The following TMEM132C variants were observed in gnomAD, a reference collection of about 807,000 sequenced individuals.
TMEM132C encodes the protein transmembrane protein 132C.
A neutral mutation model predicts 61.4 loss-of-function variants in TMEM132C; 29 were observed. The observed-to-expected ratio is 0.47, with a 90% CI of 0.35 to 0.64. The LOEUF (loss-of-function observed/expected upper bound fraction) is 0.64, where lower values mean the gene tolerates loss of function less well. Ranked by LOEUF, TMEM132C falls within the 30% of genes least tolerant of loss-of-function variation. The probability of loss-of-function intolerance (pLI) is 0.00; values close to 1 mark genes in which losing one functional copy is unlikely to be tolerated. For synonymous variants in TMEM132C, 656 were observed against 633.1 expected (o/e 1.04, Z -0.54); for missense variants, 1,408 against 1,476.9 (o/e 0.95, Z 0.76).
At position 128,693,818 on chromosome 12, in the gene TMEM132C, T is replaced by C; in HGVS notation, c.1450-11T>C. 3.2e-6 allele frequency: 5 copies of C among 1,551,736 alleles called. No individual in the cohort carries two copies. In the South Asian group the frequency reaches 4.8e-5, roughly 15 times the overall value. ...ACTTCTCCTCCATCCTTTCTCCCTC[T>C]GTCTTTGCAGGTGTCTGAGCGCTGT... On this transcript the variant is annotated splice_polypyrimidine_tract_variant and intron_variant, in intron 5 of 8. Transcript: ENST00000435159.
chr12:128,344,925 C>CT (rs1405355819), intron 1 of TMEM132C, among the ~76,000 whole-genome samples: 17,232 of 135,016 alleles, frequency 0.13, 2,092 homozygotes, highest in African/African-American at 0.32. Flanking sequence ...AGATGAGTTT[C>CT]TTTTTTTTTT....
rs1360773154 is a variant in TMEM132C at position 128,326,363 on chromosome 12, C to T, written c.85+58876C>T. ...CCAAGTGTAGCAGGGTTTCACTTTT[C>T]GAGCTGCCAGATCTGCTGGAGAAAA... On this transcript the variant is annotated intron_variant, in intron 1 of 8. Coordinates refer to ENST00000435159, the MANE Select transcript of TMEM132C (RefSeq NM_001136103.3). The surrounding 1 kb of genome is among the most constrained non-coding windows in gnomAD (Gnocchi z 5.6). Among the ~76,000 whole-genome samples, 1 of 152,174 alleles carries T rather than the reference C, an allele frequency of 6.6e-6. No homozygotes were observed. The highest frequency in any genetic ancestry group is 1.5e-5 in the Non-Finnish European group (1 of 68,032).
intron 3 of TMEM132C, among the ~76,000 whole-genome samples, chr12:128,562,173 G>C (rs1449042098): frequency 1.3e-5 from 2 of 152,206 alleles, no homozygotes; most frequent in Admixed American, 6.5e-5. Context: ...TTGGCGCCAA[G>C]CATTCTGAAA....
chr12:128,342,444 G>T (rs546603850), intron 1 of TMEM132C, among the ~76,000 whole-genome samples: 1 of 152,316 alleles, frequency 6.6e-6, no homozygotes, highest in South Asian at 2.1e-4. Flanking sequence ...CAGTTATCTT[G>T]ATTACATAAG....
At chr12:128,307,515 T>G (rs1729063931) in intron 1 of TMEM132C, among the ~76,000 whole-genome samples, 1 of 152,304 alleles carries the variant, frequency 6.6e-6, no homozygotes. Flanking sequence ...TTTTGCAGGA[T>G]AAATTTCTAT....
At chr12:128,456,273 G>A (rs545137960) in intron 2 of TMEM132C, among the ~76,000 whole-genome samples, 2 of 151,062 alleles carry the variant, frequency 1.3e-5, no homozygotes, top group South Asian at 2.1e-4. Context: ...CGTGATTTGC[G>A]TGGACTTTTC....
chr12:128,301,979 T>C (rs1593003307), intron 1 of TMEM132C, among the ~76,000 whole-genome samples: 1 of 152,178 alleles, frequency 6.6e-6, no homozygotes, highest in East Asian at 1.9e-4. Context: ...GAGACTTACT[T>C]ACTACCACGA....
chr12:128,515,892 T>A (rs1242577450), intron 2 of TMEM132C, among the ~76,000 whole-genome samples: 2 of 151,648 alleles, frequency 1.3e-5, no homozygotes, highest in Non-Finnish European at 2.9e-5. Context: ...GCCCAACGTG[T>A]GTGTTATTAG....
chr12:128,615,855 T>C (rs1018274088), intron 3 of TMEM132C, among the ~76,000 whole-genome samples: 5 of 152,164 alleles, frequency 3.3e-5, no homozygotes, highest in African/African-American at 1.2e-4. Context: ...GATAAACTAG[T>C]TTAGCTCATC....
At chr12:128,663,754 C>T (rs567006051) in intron 4 of TMEM132C, among the ~76,000 whole-genome samples, 1 of 152,176 alleles carries the variant, frequency 6.6e-6, no homozygotes, top group South Asian at 2.1e-4. Flanking sequence ...CGAGTGCCTA[C>T]TCTGTAGGCC....
intron 1 of TMEM132C, among the ~76,000 whole-genome samples, chr12:128,402,218 G>A (rs1165306323): frequency 6.6e-6 from 1 of 152,140 alleles, no homozygotes; most frequent in South Asian, 2.1e-4. Flanking sequence ...GACACTTCAG[G>A]GTTTTTTTGT....
At chr12:128,327,958 A>G (rs1182740732) in intron 1 of TMEM132C, among the ~76,000 whole-genome samples, 1 of 152,104 alleles carries the variant, frequency 6.6e-6, no homozygotes, top group Admixed American at 6.5e-5. Flanking sequence ...GTTTCTTATT[A>G]GACTTAAAGT....
At chr12:128,616,083 A>G in intron 3 of TMEM132C, 69 bp from the exon 4 acceptor site, 2 of 1,482,444 alleles carry the variant, frequency 1.3e-6, no homozygotes, top group Non-Finnish European at 1.8e-6. Context: ...TCTTCTGCGT[A>G]CTATTATGAG....
At chr12:128,538,865 G>T (rs11837663) in intron 2 of TMEM132C, among the ~76,000 whole-genome samples, 11,136 of 152,136 alleles carry the variant, frequency 0.073, 1,351 homozygotes, top group African/African-American at 0.25. Context: ...TTAATATTCA[G>T]TGTTTAAAAT....
chr12:128,469,630 G>GTA (rs1453535463), intron 2 of TMEM132C, among the ~76,000 whole-genome samples: 3 of 147,014 alleles, frequency 2.0e-5, no homozygotes, highest in African/African-American at 8.1e-5. Flanking sequence ...TATGCTTTGT[G>GTA]TGTGTGTGTT....
In TMEM132C at chr12:128,396,592, G is replaced by A. The variant is rs564961780; in HGVS notation, c.86-18140G>A. 2.4e-4 allele frequency among the ~76,000 whole-genome samples: 37 copies of A among 152,188 alleles called. No homozygotes were observed. In the South Asian group the frequency reaches 7.5e-3, roughly 31 times the overall value. On this transcript the variant is annotated intron_variant, in intron 1 of 8. Coordinates refer to ENST00000435159, the MANE Select transcript of TMEM132C (RefSeq NM_001136103.3). ...AAAATAATAATAATAATAATAATAG[G>A]TAATGTTTTTGAGGACCTATCATGT...
chr12:128,308,765 G>A (rs540400411), intron 1 of TMEM132C, among the ~76,000 whole-genome samples: 3 of 152,166 alleles, frequency 2.0e-5, no homozygotes, highest in Non-Finnish European at 2.9e-5. Context: ...GCACAAGGCC[G>A]GGGGTTTGCT....
chr12:128,681,654 C>CTTT lies in TMEM132C; in HGVS notation c.1449+12109_1449+12111dup, dbSNP rs5801810. ...GCTGCAGACAGCTACCAGACTGTAT[C>CTTT]TTTTTTTTTTTTTTTTTGAGACAGA... On this transcript the variant is annotated intron_variant, in intron 5 of 8. Coordinates refer to ENST00000435159, the MANE Select transcript of TMEM132C (RefSeq NM_001136103.3). Among the ~76,000 whole-genome samples, 26 of 131,596 alleles carry CTTT rather than the reference C, an allele frequency of 2.0e-4. No individual in the cohort carries two copies. The East Asian group carries it at 3.6e-3, about 18-fold the overall frequency. The allele number at this position is 131,596 out of a possible 152,430, so 86.3% of individuals were successfully genotyped here. A position where few individuals can be genotyped will look rare whatever the true frequency, so the allele number is the denominator to read the frequency against.
At position 128,705,094 on chromosome 12, in the gene TMEM132C, C is replaced by G; in HGVS notation, c.2126C>G (p.Ala709Gly). 2 of 1,531,640 alleles carry G rather than the reference C, an allele frequency of 1.3e-6. No individual in the cohort carries two copies. Among genetic ancestry groups the G allele is most frequent in the African/African-American group, 1.4e-5 (1 of 72,874 alleles). 94.9% of individuals were successfully genotyped at this position (1,531,640 alleles called of 1,614,324 possible). A position where few individuals can be genotyped will look rare whatever the true frequency, so the allele number is the denominator to read the frequency against. ...TAACTGCCTGTGTCCCTGCAGGAGGCTGTATTCAGCACGTGGCTGCAGTTC... is the reference window on the plus strand; with the variant it reads ...TAACTGCCTGTGTCCCTGCAGGAGGGTGTATTCAGCACGTGGCTGCAGTTC... ...EEVLRTPKQE[A>G]VFSTWLQFSD... is the part of the protein sequence containing the mutation. The change falls in exon 9 of 9, where the codon GCT becomes GGT. Residue 709 changes from alanine to glycine, a missense_variant. Transcript: ENST00000435159.
Sources: gnomAD v4.1 joint callset for allele counts (sites outside exome capture counted in the v4.1 genomes callset) on GRCh38, gnomAD v4.1.1 for gene constraint, Gnocchi (gnomAD v3.1) non-coding constraint, MANE v1.5 for transcripts, NCBI Gene and HGNC (gene_info 2026-07-23, HGNC 2026-07-21) for gene names.